SHOC1: variants seen among roughly 807,000 people sequenced by gnomAD.
SHOC1 encodes protein shortage in chiasmata 1 ortholog.
A neutral mutation model predicts 179.2 loss-of-function variants in SHOC1; 136 were observed. The observed-to-expected ratio is 0.76, with a 90% CI of 0.66 to 0.87. The LOEUF (loss-of-function observed/expected upper bound fraction) is 0.87, where lower values mean the gene tolerates loss of function less well. SHOC1 is among the 40% of genes least tolerant of loss of function. SHOC1 has a pLI of 0.00. For missense variants in SHOC1, 1,538 were observed against 1,700.8 expected, an observed-to-expected ratio of 0.90 and a Z score of 1.68; for synonymous variants, 489 against 586.6, an observed-to-expected ratio of 0.83 and a Z score of 2.41.
chr9:111,692,644 A>C, intron 26 of SHOC1, 133 bp from the exon 27 acceptor site: 1 of 530,046 alleles, frequency 1.9e-6, no homozygotes, highest in Non-Finnish European at 3.1e-6. Flanking sequence ...GGTATTAAGA[A>C]CATGAAATCA....
chr9:111,769,997 T>G (rs1273441426), intron 5 of SHOC1, among the ~76,000 whole-genome samples: 7 of 147,532 alleles, frequency 4.7e-5, no homozygotes, highest in Non-Finnish European at 9.0e-5. Context: ...TTTTTTTTTT[T>G]TTTTTTTTTT....
At chr9:111,686,925 G>T in intron 27 of SHOC1, 55 bp from the exon 28 acceptor site, 1 of 1,000,408 alleles carries the variant, frequency 1.0e-6, no homozygotes, top group East Asian at 2.9e-5. Flanking sequence ...GTAAAGTATA[G>T]GTTTTTTCTT....
chr9:111,693,681 T>A (rs1481470521), intron 26 of SHOC1, 118 bp downstream of exon 26: 3 of 543,980 alleles, frequency 5.5e-6, no homozygotes, highest in Non-Finnish European at 9.2e-6. Context: ...TCCTTGCTAT[T>A]TGAAGTCCAA....
At chr9:111,768,626 G>A (rs926032592) in intron 5 of SHOC1, among the ~76,000 whole-genome samples, 4 of 152,104 alleles carry the variant, frequency 2.6e-5, no homozygotes, top group Non-Finnish European at 4.4e-5. Context: ...ATTATTTTAG[G>A]TTCAAGGGGT....
intron 3 of SHOC1, 41 bp from the exon 4 acceptor site, chr9:111,781,058 T>C (rs1295781098): frequency 7.2e-7 from 1 of 1,394,402 alleles, no homozygotes; most frequent in South Asian, 1.2e-5. Context: ...TAGAATTTTC[T>C]TTTACACTTA....
At chr9:111,782,284 C>T (rs942299867) in intron 3 of SHOC1, among the ~76,000 whole-genome samples, 3 of 152,102 alleles carry the variant, frequency 2.0e-5, no homozygotes, top group African/African-American at 7.2e-5. Flanking sequence ...GATTTTAATC[C>T]TTGGACTGCT....
chr9:111,706,606 ATGTAAGGAAT>A lies in SHOC1; in HGVS notation c.2689_2698del (p.Ile897TrpfsTer5). 2 of 1,596,876 alleles carry A rather than the reference ATGTAAGGAAT, an allele frequency of 1.3e-6. No individual in the cohort carries two copies. Among genetic ancestry groups the A allele is most frequent in the South Asian group, 2.3e-5 (2 of 88,022 alleles). On this transcript the variant is annotated frameshift_variant, in exon 20 of 28. Transcript: ENST00000682961. LOFTEE classifies it high-confidence loss of function. The stretch of plus-strand genomic sequence containing the variant: ...GTCTGGAAGAATCACTTTAAAGGCC[ATGTAAGGAAT>A]ATTCAACTCTTTGCAGTGTTTAGTC...
rs990699198 is a variant in SHOC1, at chr9:111,686,377, A to T, written c.*393T>A. The T allele has an allele frequency of 3.3e-5, 5 of 152,698 alleles. No homozygotes were observed. Among genetic ancestry groups the T allele is most frequent in the African/African-American group, 1.2e-4 (5 of 41,476 alleles). 9.5% of individuals were successfully genotyped at this position (152,698 alleles called of 1,614,324 possible). On this transcript the variant is annotated 3_prime_UTR_variant, in exon 28 of 28. Coordinates refer to ENST00000682961, the MANE Select transcript of SHOC1 (RefSeq NM_001378211.1). ...TGTTCTTAAATTGTGTTTACAGAAA[A>T]TGATACTTTAAGTTGGAAGTTTTCT...
chr9:111,730,462 G>C (rs1276810745), intron 12 of SHOC1, among the ~76,000 whole-genome samples: 1 of 152,220 alleles, frequency 6.6e-6, no homozygotes, highest in Non-Finnish European at 1.5e-5. Flanking sequence ...AATGGATGTT[G>C]TGTTAGCAGA....
At chr9:111,715,321 T>A (rs1832734570) in intron 16 of SHOC1, among the ~76,000 whole-genome samples, 1 of 152,190 alleles carries the variant, frequency 6.6e-6, no homozygotes, top group South Asian at 2.1e-4. Context: ...ACAAATGAAA[T>A]AATAAATTTG....
At position 111,756,494 on chromosome 9, in the gene SHOC1, T is replaced by C; in HGVS notation, c.709-16A>G. 2 of 1,578,538 alleles carry C rather than the reference T, an allele frequency of 1.3e-6. No individual in the cohort carries two copies. Among genetic ancestry groups the C allele is most frequent in the Non-Finnish European group, 1.7e-6 (2 of 1,169,892 alleles). On this transcript the variant is annotated splice_polypyrimidine_tract_variant and intron_variant, in intron 7 of 27. Transcript: ENST00000682961. ...AACTTGACGGCTGAAAAAACATAGT[T>C]TAAAAAAGTTTTTAGAGAGGCTTTC...
chr9:111,769,030 G>A (rs565572589), intron 5 of SHOC1, among the ~76,000 whole-genome samples: 2 of 152,078 alleles, frequency 1.3e-5, no homozygotes, highest in Admixed American at 6.5e-5. Context: ...TTTTATTCTT[G>A]ATTCTTTGAA....
Position 111,755,981 on chromosome 9 carries a change from G to T in SHOC1, c.862+344C>A, listed in dbSNP as rs113529044. ...CTACTAAAAATACAAAATTAGCCAGGTGTGGTGGTGCATGCCTGTAATCCC... is the reference window on the plus strand; with the variant it reads ...CTACTAAAAATACAAAATTAGCCAGTTGTGGTGGTGCATGCCTGTAATCCC... On this transcript the variant is annotated intron_variant, in intron 8 of 27. Coordinates refer to ENST00000682961, the MANE Select transcript of SHOC1 (RefSeq NM_001378211.1). 2.1e-4 allele frequency among the ~76,000 whole-genome samples: 32 copies of T among 152,150 alleles called. 1 individual carries two copies. The highest frequency in any genetic ancestry group is 7.5e-4 in the African/African-American group (31 of 41,498).
intron 24 of SHOC1, among the ~76,000 whole-genome samples, chr9:111,696,439 A>T (rs1395593161): frequency 2.6e-5 from 4 of 152,230 alleles, no homozygotes; most frequent in African/African-American, 7.2e-5. Context: ...TCAGGAAAAC[A>T]GGAGGCTTAT....
chr9:111,692,260 G>A lies in SHOC1; in HGVS notation c.3717C>T (p.Ile1239=), dbSNP rs760120601. The change falls in exon 27 of 28, where the codon ATC becomes ATT. Residue 1239 remains isoleucine (I), a synonymous_variant. Coordinates refer to ENST00000682961, the MANE Select transcript of SHOC1 (RefSeq NM_001378211.1). ...AAGTCACAGGTGGTAAAAAACTTGA[G>A]ATTTCTTTTAGTTCCATAATGGAAG... The part of the protein sequence containing the change: ...DNSSIMELKE[I]SSFLPPVTSY... The A allele has an allele frequency of 1.8e-5, 29 of 1,613,564 alleles. No individual in the cohort carries two copies. The highest frequency in any genetic ancestry group is 3.3e-4 in the Middle Eastern group (2 of 6,078).
chr9:111,744,710 T>G (rs182331215), intron 10 of SHOC1, among the ~76,000 whole-genome samples: 511 of 152,336 alleles, frequency 3.4e-3, no homozygotes, highest in Admixed American at 7.4e-3. Context: ...TTAGGACACA[T>G]TAAGTTCTAG....
chr9:111,778,061 G>C (rs973486248), intron 4 of SHOC1, among the ~76,000 whole-genome samples: 4 of 152,026 alleles, frequency 2.6e-5, no homozygotes, highest in Admixed American at 6.6e-5. Context: ...GCAATAATTG[G>C]TACTACAGTT....
intron 5 of SHOC1, among the ~76,000 whole-genome samples, chr9:111,763,955 G>A (rs1294700744): frequency 2.0e-5 from 3 of 152,058 alleles, no homozygotes; most frequent in African/African-American, 4.8e-5. Context: ...GCATTAACAC[G>A]GAGTACAGTA....
chr9:111,794,071 C>T (rs1471276574), intron 1 of SHOC1, among the ~76,000 whole-genome samples: 2 of 151,234 alleles, frequency 1.3e-5, no homozygotes, highest in Non-Finnish European at 2.9e-5. Flanking sequence ...AGGCTGATTT[C>T]GAACTCCTGA....
Sources: gnomAD v4.1 joint callset for allele counts (sites outside exome capture counted in the v4.1 genomes callset) on GRCh38, gnomAD v4.1.1 for gene constraint, MANE v1.5 for transcripts, NCBI Gene and HGNC (gene_info 2026-07-23, HGNC 2026-07-21) for gene names.